The following SMARCA4 variants were observed in gnomAD, a reference collection of about 807,000 sequenced individuals.
SMARCA4 encodes SWI/SNF related BAF chromatin remodeling complex subunit ATPase 4.
In SMARCA4, 31 loss-of-function variants were observed where a neutral mutation model predicts 193.9. That is an observed-to-expected ratio of 0.16 (90% CI 0.12 to 0.22). SMARCA4 has a LOEUF of 0.22. Among genes scored for constraint, SMARCA4 ranks in the 10% least tolerant of loss-of-function variants. The pLI, the probability that SMARCA4 is intolerant of heterozygous loss-of-function variation, is 1.00. For synonymous variants in SMARCA4, 942 were observed against 933.1 expected, an observed-to-expected ratio of 1.01 and a Z score of -0.17; for missense variants, 1,148 against 2,296.0, an observed-to-expected ratio of 0.50 and a Z score of 10.22.
intron 12 of SMARCA4, 71 bp from the exon 13 acceptor site, chr19:11,003,269 A>G: frequency 6.2e-7 from 1 of 1,601,700 alleles, no homozygotes; most frequent in Non-Finnish European, 8.6e-7. Context: ...AATTCCCGGC[A>G]GGTTTGGTAG....
At chr19:11,061,207 A>ATG (rs2076869756) in intron 34 of SMARCA4, among the ~76,000 whole-genome samples, 1 of 37,908 alleles carries the variant, frequency 2.6e-5, no homozygotes, top group Admixed American at 3.5e-4. Flanking sequence ...AAAAAAAAAT[A>ATG]TATATATATA....
chr19:10,963,058 C>T (rs1029156439), intron 1 of SMARCA4, among the ~76,000 whole-genome samples: 10 of 152,042 alleles, frequency 6.6e-5, no homozygotes, highest in African/African-American at 2.4e-4. Flanking sequence ...TGTGGAAGAT[C>T]GCGTGACCAT....
chr19:11,003,296 T>G (rs1270012366), intron 12 of SMARCA4, 44 bp from the exon 13 acceptor site: 1 of 1,607,654 alleles, frequency 6.2e-7, no homozygotes, highest in African/African-American at 1.3e-5. Flanking sequence ...TGAATTCTGC[T>G]GGCTCTGAGC....
In SMARCA4 at chr19:10,986,667, C is replaced by T. The variant is rs560305365; in HGVS notation, c.760+74C>T. Reference sequence around the variant, plus strand: ...GGCGTGGGTGGCGGGGTGGACAGACCGTGCTCTGTTGCCGACTGGGTTCCC... The same window carrying T: ...GGCGTGGGTGGCGGGGTGGACAGACTGTGCTCTGTTGCCGACTGGGTTCCC... On this transcript the variant is annotated intron_variant, in intron 4 of 34. Transcript: ENST00000344626. This position sits in a 1 kb window ranked among gnomAD's most constrained non-coding sequence, Gnocchi z 6.7. 7.8e-5 allele frequency: 119 copies of T among 1,531,262 alleles called. No individual in the cohort carries two copies. The East Asian group carries it at 1.8e-3, about 23-fold the overall frequency. The allele number at this position is 1,531,262 out of a possible 1,614,324, so 94.9% of individuals were successfully genotyped here.
chr19:11,061,864 G>T lies in SMARCA4; in HGVS notation c.*48G>T, dbSNP rs769339412. ...CCCGAGCCCCTCGTTCCAGAGCTGA[G>T]ATGGCATAGGCCTTAGCAGTAACGG... On this transcript the variant is annotated 3_prime_UTR_variant, in exon 35 of 35. Transcript: ENST00000344626. 6.4e-7 allele frequency: 1 copy of T among 1,567,154 alleles called. No homozygotes were observed. Among genetic ancestry groups the T allele is most frequent in the South Asian group, 1.1e-5 (1 of 90,164 alleles).
chr19:10,985,439 G>A lies in SMARCA4; in HGVS notation c.355+34G>A. The A allele has an allele frequency of 1.2e-6, 2 of 1,611,548 alleles. No homozygotes were observed. The highest frequency in any genetic ancestry group is 4.5e-5 in the East Asian group (2 of 44,854). On this transcript the variant is annotated intron_variant, in intron 3 of 34. Transcript: ENST00000344626. This position sits in a 1 kb window ranked among gnomAD's most constrained non-coding sequence, Gnocchi z 4.5. Reference sequence around the variant, plus strand: ...CTGCGTTCCTTCCTGCCTTGTGTTTGTCATACTCCAGAGTCCTCAGATCAT... The same window carrying A: ...CTGCGTTCCTTCCTGCCTTGTGTTTATCATACTCCAGAGTCCTCAGATCAT...
chr19:11,000,533 C>G (rs997802674), intron 11 of SMARCA4, among the ~76,000 whole-genome samples: 1 of 151,758 alleles, frequency 6.6e-6, no homozygotes, highest in Non-Finnish European at 1.5e-5. Flanking sequence ...GACAGGGTCT[C>G]TCTCTGTCAG....
At position 11,033,900 on chromosome 19, in the gene SMARCA4, A is replaced by G. The variant is rs778914709; in HGVS notation, c.3873+35A>G. 3 of 772,056 alleles carry G rather than the reference A, an allele frequency of 3.9e-6. No homozygotes were observed. Among genetic ancestry groups the G allele is most frequent in the South Asian group, 1.3e-5 (1 of 74,226 alleles). The allele number at this position is 772,056 out of a possible 1,614,324, so 47.8% of individuals were successfully genotyped here. A position where few individuals can be genotyped will look rare whatever the true frequency, so the allele number is the denominator to read the frequency against. ...GTAGTTCAGTCTCCATGCCCATTCA[A>G]TCCTCGGCTTCTCGGCTGAGACGGC... is the stretch of plus-strand genomic sequence containing the variant. On this transcript the variant is annotated intron_variant, in intron 27 of 34. Coordinates refer to ENST00000344626, the MANE Select transcript of SMARCA4 (RefSeq NM_003072.5). This position sits in a 1 kb window ranked among gnomAD's most constrained non-coding sequence, Gnocchi z 9.8.
chr19:10,978,140 C>T (rs1458783873), intron 1 of SMARCA4, among the ~76,000 whole-genome samples: 1 of 152,182 alleles, frequency 6.6e-6, no homozygotes, highest in Non-Finnish European at 1.5e-5. Context: ...ACTGAGACAT[C>T]CTCAGCAGTT....
rs142962172 is a variant in SMARCA4, at chr19:11,051,683, G to A, written c.4425-6572G>A. 3.0e-4 allele frequency among the ~76,000 whole-genome samples: 45 copies of A among 152,042 alleles called. No homozygotes were observed. The East Asian group carries it at 8.4e-3, about 28-fold the overall frequency. The stretch of plus-strand genomic sequence containing the variant: ...TTTTTGTATTTTTAGTAGAGATGGG[G>A]TTTAACCACGTTGGCTAGGATGGTC... On this transcript the variant is annotated intron_variant, in intron 30 of 34. Coordinates refer to ENST00000344626, the MANE Select transcript of SMARCA4 (RefSeq NM_003072.5).
intron 25 of SMARCA4, among the ~76,000 whole-genome samples, chr19:11,032,919 CG>C (rs1456197391): frequency 6.6e-6 from 1 of 152,240 alleles, no homozygotes; most frequent in Non-Finnish European, 1.5e-5. Flanking sequence ...GGCCGAGCTT[CG>C]GCCCCCTGTT....
rs1043361436 is a variant in SMARCA4, at chr19:11,060,275, C to T, written c.4911+88C>T. 3.5e-6 allele frequency: 5 copies of T among 1,427,870 alleles called. No homozygotes were observed. The East Asian group carries it at 1.2e-4, about 35-fold the overall frequency. 88.5% of individuals were successfully genotyped at this position (1,427,870 alleles called of 1,614,324 possible). Reference sequence around the variant, plus strand: ...TGGGACAGCCCTGTGGGGCGGTGCTCCCACGCCCCCACGCTGCAGGTGGGA... The same window carrying T: ...TGGGACAGCCCTGTGGGGCGGTGCTTCCACGCCCCCACGCTGCAGGTGGGA... On this transcript the variant is annotated intron_variant, in intron 34 of 34. Coordinates refer to ENST00000344626, the MANE Select transcript of SMARCA4 (RefSeq NM_003072.5).
In SMARCA4 at chr19:11,061,202, AAAATATATAT is replaced by A. The variant is rs1275965847; in HGVS notation, c.4912-580_4912-571del. 2.9e-4 allele frequency among the ~76,000 whole-genome samples: 18 copies of A among 61,442 alleles called. No homozygotes were observed. In the East Asian group the frequency reaches 3.2e-3, roughly 11 times the overall value. 40.3% of individuals were successfully genotyped at this position (61,442 alleles called of 152,430 possible). On this transcript the variant is annotated intron_variant, in intron 34 of 34. Transcript: ENST00000344626. ...GACCCTGTCTTTAAAAAAAAAAAAA[AAAATATATAT>A]ATATATATATATATATATATATATA...
chr19:11,011,033 C>T, intron 15 of SMARCA4: 2 of 236,140 alleles, frequency 8.5e-6, no homozygotes, highest in Non-Finnish European at 1.7e-5. Flanking sequence ...GGTAGCAGGT[C>T]CTGTGTGAGG....
At chr19:10,997,159 A>T (rs572218459) in intron 11 of SMARCA4, among the ~76,000 whole-genome samples, 28 of 152,198 alleles carry the variant, frequency 1.8e-4, no homozygotes, top group Admixed American at 1.6e-3. Context: ...AGCTGGGATT[A>T]TAGGCATCCA....
chr19:11,022,173 G>A (rs2089922499), intron 19 of SMARCA4, among the ~76,000 whole-genome samples: 1 of 152,216 alleles, frequency 6.6e-6, no homozygotes, highest in Admixed American at 6.5e-5. Context: ...GGTCATGGTG[G>A]TGAATCTCGG....
rs1013594863 is a variant in SMARCA4 at position 10,984,920 on chromosome 19, C to T, written c.223-353C>T. Among the ~76,000 whole-genome samples the T allele has an allele frequency of 6.6e-6, 1 of 152,138 alleles. No individual in the cohort carries two copies. On this transcript the variant is annotated intron_variant, in intron 2 of 34. Transcript: ENST00000344626. The surrounding 1 kb of genome is among the most constrained non-coding windows in gnomAD (Gnocchi z 4.3). Reference sequence around the variant, plus strand: ...CTGGATGTGGTTAGAGGACATATTCCCTTATACATACAGCATCTGAAAGGA... The same window carrying T: ...CTGGATGTGGTTAGAGGACATATTCTCTTATACATACAGCATCTGAAAGGA...
In SMARCA4 at chr19:11,018,448, C is replaced by G. The variant is rs551325991; in HGVS notation, c.2439-509C>G. 1.1e-5 allele frequency: 3 copies of G among 285,300 alleles called. No individual in the cohort carries two copies. The East Asian group carries it at 2.6e-4, about 24-fold the overall frequency. 17.7% of individuals were successfully genotyped at this position (285,300 alleles called of 1,614,324 possible). Reference sequence around the variant, plus strand: ...CCGCTCCCTCCCATCCCTGTCCTCCCGCCTGCCACCTGAGCCAGGCCCCGC... The same window carrying G: ...CCGCTCCCTCCCATCCCTGTCCTCCGGCCTGCCACCTGAGCCAGGCCCCGC... On this transcript the variant is annotated intron_variant, in intron 16 of 34. Transcript: ENST00000344626.
Position 11,021,964 on chromosome 19 carries a change from A to C in SMARCA4, c.2856A>C (p.Glu952Asp). The C allele has an allele frequency of 6.2e-7, 1 of 1,611,910 alleles. No individual in the cohort carries two copies. The highest frequency in any genetic ancestry group is 1.1e-5 in the South Asian group (1 of 91,000). Residue 952 changes from glutamate (E) to aspartate (D), a missense_variant, in exon 19 of 35, where the codon GAA becomes GAC. Physicochemically the swap from Glu to Asp is conservative, Grantham distance 45. Coordinates refer to ENST00000344626, the MANE Select transcript of SMARCA4 (RefSeq NM_003072.5). ...ACGCACCCTTTGCCATGACCGGGGA[A>C]AAGGTGGGTTTGCCCAGCTGTGCCC... ...WFNAPFAMTG[E>D]KVDLNEEETI...
Sources: allele counts gnomAD v4.1 joint callset (sites outside exome capture counted in the v4.1 genomes callset), GRCh38; gene constraint gnomAD v4.1.1; non-coding constraint Gnocchi (gnomAD v3.1); transcripts MANE v1.5; gene names NCBI Gene and HGNC (gene_info 2026-07-23, HGNC 2026-07-21).